SPON1: variants seen among roughly 807,000 people sequenced by gnomAD.
SPON1 encodes the protein spondin 1.
In SPON1, 52 loss-of-function variants were observed where a neutral mutation model predicts 111.7. That is an observed-to-expected ratio of 0.47 (90% CI 0.37 to 0.59). The LOEUF is 0.59. SPON1 is among the 20% of genes least tolerant of loss of function. SPON1 has a pLI of 0.00. For synonymous variants in SPON1, 410 were observed against 395.8 expected (o/e 1.04, Z -0.43); for missense variants, 957 against 1,068.5 (o/e 0.90, Z 1.46).
At position 13,989,118 on chromosome 11, in the gene SPON1, G is replaced by A. The variant is rs1364701971; in HGVS notation, c.345+6165G>A. ...CTATTGTTGGGAATAATTTCAGAAG[G>A]AATGGTACCAGCTCCTCTTTGTACC... On this transcript the variant is annotated intron_variant, in intron 2 of 15. Coordinates refer to ENST00000576479, the MANE Select transcript of SPON1 (RefSeq NM_006108.4). Among the ~76,000 whole-genome samples, 4 of 152,286 alleles carry A rather than the reference G, an allele frequency of 2.6e-5. No individual in the cohort carries two copies. The East Asian group carries it at 7.7e-4, about 29-fold the overall frequency.
chr11:14,058,331 C>G (rs1370684291), intron 3 of SPON1, among the ~76,000 whole-genome samples: 2 of 152,126 alleles, frequency 1.3e-5, no homozygotes, highest in East Asian at 3.9e-4. Context: ...AGGATGCAGC[C>G]TGTGTGACCG....
At chr11:14,175,482 A>G (rs1554932990) in intron 6 of SPON1, among the ~76,000 whole-genome samples, 1 of 152,174 alleles carries the variant, frequency 6.6e-6, no homozygotes, top group African/African-American at 2.4e-5. Context: ...TCCTAAACCC[A>G]CATGCTATCC....
chr11:14,076,808 A>G (rs1310795763), intron 4 of SPON1, among the ~76,000 whole-genome samples: 1 of 152,200 alleles, frequency 6.6e-6, no homozygotes, highest in African/African-American at 2.4e-5. Context: ...GATACCTTGC[A>G]TTAGGATCAT....
chr11:14,174,544 G>T (rs548911509), intron 6 of SPON1, among the ~76,000 whole-genome samples: 144 of 149,668 alleles, frequency 9.6e-4, no homozygotes, highest in South Asian at 2.1e-3. Flanking sequence ...AAACAGAGGG[G>T]TTTTTTTTTT....
intron 5 of SPON1, among the ~76,000 whole-genome samples, chr11:14,083,338 G>A (rs1194494840): frequency 6.6e-6 from 1 of 152,144 alleles, no homozygotes; most frequent in Non-Finnish European, 1.5e-5. Flanking sequence ...GAAGTATGCG[G>A]AGAAAATTCT....
intron 2 of SPON1, among the ~76,000 whole-genome samples, chr11:14,023,234 A>G (rs1848493595): frequency 6.6e-6 from 1 of 152,198 alleles, no homozygotes; most frequent in Non-Finnish European, 1.5e-5. Flanking sequence ...CAGGGAAGTG[A>G]CATGATTTAT....
At chr11:14,049,686 G>C (rs1258783860) in intron 3 of SPON1, among the ~76,000 whole-genome samples, 1 of 152,156 alleles carries the variant, frequency 6.6e-6, no homozygotes, top group East Asian at 1.9e-4. Flanking sequence ...GGAAAATCAT[G>C]AACATACAAA....
intron 6 of SPON1, among the ~76,000 whole-genome samples, chr11:14,203,125 G>A (rs781938546): frequency 1.3e-5 from 2 of 152,172 alleles, no homozygotes; most frequent in African/African-American, 4.8e-5. Context: ...TCCTTAGAAT[G>A]TATTTCAAAA....
chr11:14,106,929 G>A (rs540994037), intron 5 of SPON1, among the ~76,000 whole-genome samples: 2 of 152,266 alleles, frequency 1.3e-5, no homozygotes, highest in South Asian at 2.1e-4. Flanking sequence ...GAAAAAGTGT[G>A]TGCTGCCTGC....
intron 6 of SPON1, among the ~76,000 whole-genome samples, chr11:14,233,888 A>G (rs1435699633): frequency 6.8e-6 from 1 of 147,388 alleles, no homozygotes; most frequent in Non-Finnish European, 1.5e-5. Flanking sequence ...TCAGCCTCCC[A>G]AGTAGCTGGG....
At chr11:14,091,825 G>T (rs1218853090) in intron 5 of SPON1, among the ~76,000 whole-genome samples, 29 of 152,162 alleles carry the variant, frequency 1.9e-4, no homozygotes, top group Admixed American at 9.8e-4. Flanking sequence ...CAAAGTAGGA[G>T]CCCAGGCAGG....
At chr11:14,160,909 A>ATATT (rs1564919713) in intron 6 of SPON1, among the ~76,000 whole-genome samples, 1 of 55,416 alleles carries the variant, frequency 1.8e-5, no homozygotes, top group Non-Finnish European at 2.9e-5. Flanking sequence ...ATATATTTAT[A>ATATT]TATATATTTA....
chr11:14,015,794 G>A (rs190266055), intron 2 of SPON1, among the ~76,000 whole-genome samples: 1 of 152,334 alleles, frequency 6.6e-6, no homozygotes, highest in African/African-American at 2.4e-5. Flanking sequence ...GGAATGGAGT[G>A]AGTCATGCTG....
chr11:13,992,837 T>A (rs948505883), intron 2 of SPON1, among the ~76,000 whole-genome samples: 1 of 151,856 alleles, frequency 6.6e-6, no homozygotes, highest in Non-Finnish European at 1.5e-5. Context: ...TCTTCCTGGG[T>A]GAGGTGACGC....
chr11:14,170,888 C>T (rs1322123769), intron 6 of SPON1, among the ~76,000 whole-genome samples: 6 of 152,066 alleles, frequency 3.9e-5, no homozygotes, highest in South Asian at 2.1e-4. Context: ...CTGCTGGATT[C>T]GGTTTGCCAG....
intron 5 of SPON1, among the ~76,000 whole-genome samples, chr11:14,120,539 A>G (rs1425337051): frequency 6.6e-6 from 1 of 152,074 alleles, no homozygotes; most frequent in Non-Finnish European, 1.5e-5. Context: ...TGCCTGACTC[A>G]TTCTGTCACC....
chr11:14,250,001 G>T (rs1012647712), intron 7 of SPON1, among the ~76,000 whole-genome samples: 1 of 152,112 alleles, frequency 6.6e-6, no homozygotes, highest in Non-Finnish European at 1.5e-5. Flanking sequence ...CTCTCCAAAT[G>T]TAGAAAAAGG....
At chr11:14,203,245 G>T (rs1274266498) in intron 6 of SPON1, among the ~76,000 whole-genome samples, 2 of 152,120 alleles carry the variant, frequency 1.3e-5, no homozygotes, top group Non-Finnish European at 2.9e-5. Flanking sequence ...AACCTCTGAG[G>T]GTAATTCACT....
chr11:14,187,782 C>CT (rs35855997), intron 6 of SPON1, among the ~76,000 whole-genome samples: 60,136 of 146,478 alleles, frequency 0.41, 12,501 homozygotes, highest in East Asian at 0.55. Context: ...GCCCAGCTAA[C>CT]TTTTTTTTTT....
Sources: allele counts gnomAD v4.1 joint callset (sites outside exome capture counted in the v4.1 genomes callset), GRCh38; gene constraint gnomAD v4.1.1; transcripts MANE v1.5; gene names NCBI Gene and HGNC (gene_info 2026-07-23, HGNC 2026-07-21).